SGCD: variants seen among roughly 807,000 people sequenced by gnomAD.
SGCD encodes sarcoglycan delta, also known as delta-sarcoglycan.
Under a neutral mutation model 36.6 loss-of-function variants are expected in SGCD, and 18 were observed. That is an observed-to-expected ratio of 0.49 (90% confidence interval 0.34 to 0.73). The LOEUF (loss-of-function observed/expected upper bound fraction) is 0.73, where lower values mean the gene tolerates loss of function less well. Ranked by LOEUF, SGCD falls within the 30% of genes least tolerant of loss-of-function variation. The probability of loss-of-function intolerance (pLI) is 0.01; values close to 1 mark genes in which losing one functional copy is unlikely to be tolerated. For missense variants in SGCD, 387 were observed against 346.7 expected, an observed-to-expected ratio of 1.12 and a Z score of -0.92; for synonymous variants, 133 against 130.6, an observed-to-expected ratio of 1.02 and a Z score of -0.12.
At chr5:156,215,146 T>C (rs1764541178) in intron 3 of SGCD, among the ~76,000 whole-genome samples, 1 of 152,034 alleles carries the variant, frequency 6.6e-6, no homozygotes, top group Non-Finnish European at 1.5e-5. Flanking sequence ...TTAAATCTAA[T>C]GCAAATATTT....
intron 3 of SGCD, among the ~76,000 whole-genome samples, chr5:156,395,499 A>G (rs73812228): frequency 0.024 from 3,728 of 152,288 alleles, 149 homozygotes; most frequent in African/African-American, 0.084. Flanking sequence ...GGCTGGCTCC[A>G]TGAGTTGTTT....
At chr5:155,750,664 T>C in the SGCD span, among the ~76,000 whole-genome samples, 6 of 152,216 alleles carry the variant, frequency 3.9e-5, no homozygotes, top group African/African-American at 1.4e-4. Flanking sequence ...AAAATAGATA[T>C]TTAAAAAGTA....
chr5:156,279,792 C>G (rs148938336), intron 3 of SGCD, among the ~76,000 whole-genome samples: 74 of 152,202 alleles, frequency 4.9e-4, no homozygotes, highest in African/African-American at 1.8e-3. Context: ...GACTCCCCTA[C>G]ACATGGAAAT....
chr5:156,472,579 G>T (rs572261217), intron 3 of SGCD, among the ~76,000 whole-genome samples: 1 of 151,986 alleles, frequency 6.6e-6, no homozygotes, highest in Non-Finnish European at 1.5e-5. Context: ...CACCACACCC[G>T]GCTAATTTTT....
At chr5:156,123,328 T>C (rs778310117) in intron 2 of SGCD, among the ~76,000 whole-genome samples, 6 of 151,950 alleles carry the variant, frequency 3.9e-5, no homozygotes, top group Non-Finnish European at 7.4e-5. Flanking sequence ...TCTCCTTATG[T>C]TGGAAATTGG....
rs1395575180 is a variant in SGCD, at chr5:156,210,909, G to T, written c.-44+86890G>T. On this transcript the variant is annotated intron_variant, in intron 3 of 9. Coordinates refer to the SGCD transcript ENST00000517913. Reference sequence around the variant, plus strand: ...GGAAAGCTTATTTAAAGAAATAATAGAAAACTTTATAAATCTGGGGGAAAG... The same window carrying T: ...GGAAAGCTTATTTAAAGAAATAATATAAAACTTTATAAATCTGGGGGAAAG... Among the ~76,000 whole-genome samples, 3 of 152,136 alleles carry T rather than the reference G, an allele frequency of 2.0e-5. No homozygotes were observed. In the East Asian group the frequency reaches 5.8e-4, roughly 29 times the overall value.
intron 3 of SGCD, among the ~76,000 whole-genome samples, chr5:156,236,360 A>G (rs1381305358): frequency 2.6e-5 from 4 of 152,170 alleles, no homozygotes; most frequent in African/African-American, 9.7e-5. Flanking sequence ...TCACTATTCT[A>G]CCACCTAAAG....
intron 1 of SGCD, among the ~76,000 whole-genome samples, chr5:156,000,974 T>C (rs1387904941): frequency 1.3e-5 from 2 of 152,296 alleles, no homozygotes; most frequent in South Asian, 2.1e-4. Flanking sequence ...AATCCAGCCA[T>C]GCTAATTCTC....
intron 1 of SGCD, among the ~76,000 whole-genome samples, chr5:156,046,367 A>C (rs1759765587): frequency 6.6e-6 from 1 of 152,042 alleles, no homozygotes; most frequent in South Asian, 2.1e-4. Context: ...ATGCAGGCAT[A>C]CCTAGTTTTA....
At chr5:156,732,190 T>C (rs1756113833) in intron 7 of SGCD, among the ~76,000 whole-genome samples, 1 of 151,910 alleles carries the variant, frequency 6.6e-6, no homozygotes, top group Non-Finnish European at 1.5e-5. Flanking sequence ...TGAATAGGAG[T>C]GGTGAGAGAA....
chr5:156,187,503 T>C lies in SGCD; in HGVS notation c.-44+63484T>C, dbSNP rs185064684. Among the ~76,000 whole-genome samples, 350 of 137,036 alleles carry C rather than the reference T, an allele frequency of 2.6e-3. 3 individuals carry two copies. Among genetic ancestry groups the C allele is most frequent in the African/African-American group, 8.3e-3 (319 of 38,314 alleles). 89.9% of individuals were successfully genotyped at this position (137,036 alleles called of 152,430 possible). On this transcript the variant is annotated intron_variant, in intron 3 of 9. Coordinates refer to the SGCD transcript ENST00000517913. ...CTCTAGAGGCTTCTGGATTTGAATCTTGAGTCTGACCTTACTAGCTGTGTG... is the reference window on the plus strand; with the variant it reads ...CTCTAGAGGCTTCTGGATTTGAATCCTGAGTCTGACCTTACTAGCTGTGTG...
intron 1 of SGCD, among the ~76,000 whole-genome samples, chr5:155,983,568 G>A (rs1204632107): frequency 6.6e-6 from 1 of 152,136 alleles, no homozygotes; most frequent in Non-Finnish European, 1.5e-5. Flanking sequence ...TCAAAGTGCT[G>A]GGATTACAGG....
chr5:156,005,686 A>G (rs1022943667), intron 1 of SGCD, among the ~76,000 whole-genome samples: 1 of 152,144 alleles, frequency 6.6e-6, no homozygotes, highest in African/African-American at 2.4e-5. Flanking sequence ...TCCTGACCTC[A>G]TGATCCGCCC....
the SGCD span, among the ~76,000 whole-genome samples, chr5:155,762,971 C>G: frequency 1.3e-5 from 2 of 152,108 alleles, no homozygotes; most frequent in African/African-American, 4.8e-5. Context: ...TCTTCTTTCC[C>G]CACTCCTGAA....
intron 6 of SGCD, among the ~76,000 whole-genome samples, chr5:156,603,663 T>G (rs2113422897): frequency 6.6e-6 from 1 of 152,224 alleles, no homozygotes; most frequent in Non-Finnish European, 1.5e-5. Context: ...TTAATTTCAT[T>G]GTTAACTTAT....
chr5:156,325,510 C>G (rs1767783260), upstream of SGCD, among the ~76,000 whole-genome samples: 1 of 152,126 alleles, frequency 6.6e-6, no homozygotes, highest in South Asian at 2.1e-4. Context: ...AGAGGTTAAG[C>G]AAGCTGACCA....
Position 156,344,636 on chromosome 5 carries a change from G to C in SGCD, c.151G>C (p.Ala51Pro). The C allele has an allele frequency of 6.2e-7, 1 of 1,610,792 alleles. No homozygotes were observed. The highest frequency in any genetic ancestry group is 1.3e-5 in the African/African-American group (1 of 74,810). ...LLMILILVNL[A>P]MTIWILKVMN... Reference sequence around the variant, plus strand: ...CATGATTTTAATACTGGTGAACTTGGCCATGACCATCTGGATTCTCAAAGT... The same window carrying C: ...CATGATTTTAATACTGGTGAACTTGCCCATGACCATCTGGATTCTCAAAGT... Residue 51 changes from alanine (A) to proline (P), a missense_variant, in exon 3 of 9, where the codon GCC (alanine) becomes CCC (proline). By Grantham distance (27) the Ala-to-Pro change is conservative. Coordinates refer to ENST00000337851, the MANE Select transcript of SGCD (RefSeq NM_000337.6).
Position 156,614,713 on chromosome 5 carries a change from T to C in SGCD, c.502+19662T>C, listed in dbSNP as rs554505547. 2.0e-4 allele frequency among the ~76,000 whole-genome samples: 30 copies of C among 152,370 alleles called. 1 individual carries two copies. Among genetic ancestry groups the C allele is most frequent in the African/African-American group, 6.7e-4 (28 of 41,592 alleles). ...CTTCTTTTCAGATGACCCCTAAATC[T>C]GTACTTGCCTCAAACTGTCTTCTCA... On this transcript the variant is annotated intron_variant, in intron 6 of 8. Coordinates refer to ENST00000337851, the MANE Select transcript of SGCD (RefSeq NM_000337.6).
intron 2 of SGCD, among the ~76,000 whole-genome samples, chr5:156,332,662 C>G (rs1768125615): frequency 6.6e-6 from 1 of 152,206 alleles, no homozygotes; most frequent in African/African-American, 2.4e-5. Context: ...GTCTAAGTCT[C>G]TGTTGAGCAG....
Sources: allele counts gnomAD v4.1 joint callset (sites outside exome capture counted in the v4.1 genomes callset), GRCh38; gene constraint gnomAD v4.1.1; transcripts MANE v1.5; gene names NCBI Gene and HGNC (gene_info 2026-07-23, HGNC 2026-07-21).